The following PTK2B variants were observed in gnomAD, a reference collection of about 807,000 sequenced individuals.
PTK2B encodes protein-tyrosine kinase 2-beta.
PTK2B carries 71 observed loss-of-function variants against 142.9 expected under a neutral mutation model. The observed-to-expected ratio is 0.50, with a 90% CI of 0.41 to 0.61. PTK2B has a LOEUF of 0.61. Among genes scored for constraint, PTK2B ranks in the 20% least tolerant of loss-of-function variants. The pLI is 0.00. For synonymous variants in PTK2B, 519 were observed against 503.4 expected (o/e 1.03, Z -0.42); for missense variants, 1,105 against 1,320.4 (o/e 0.84, Z 2.53).
At chr8:27,359,934 C>T (rs527338875) in intron 1 of PTK2B, among the ~76,000 whole-genome samples, 5 of 152,290 alleles carry the variant, frequency 3.3e-5, no homozygotes, top group Admixed American at 1.3e-4. Flanking sequence ...GGCCCCAGCT[C>T]CTGGGCCAAC....
At chr8:27,434,243 A>G (rs903293720) in intron 12 of PTK2B, 111 bp downstream of exon 12, 36 of 1,361,804 alleles carry the variant, frequency 2.6e-5, no homozygotes, top group Non-Finnish European at 3.6e-5. Flanking sequence ...TTTCAGGCCC[A>G]GGAGAACCCT....
chr8:27,401,934 T>C (rs926929069), intron 2 of PTK2B, among the ~76,000 whole-genome samples: 5 of 152,194 alleles, frequency 3.3e-5, no homozygotes, highest in African/African-American at 1.2e-4. Context: ...ATGGTAGTGA[T>C]GATGATGGCA....
chr8:27,388,148 C>T (rs1385712481), intron 1 of PTK2B, among the ~76,000 whole-genome samples: 1 of 152,204 alleles, frequency 6.6e-6, no homozygotes, highest in East Asian at 1.9e-4. Context: ...ATCTGACCTC[C>T]TTGTTAAACT....
At chr8:27,311,205 G>A (rs768474918), upstream of PTK2B, 2 of 1,590,188 alleles carry the variant, frequency 1.3e-6, no homozygotes, top group Non-Finnish European at 1.7e-6. Flanking sequence ...GAGCGGGAAG[G>A]CCCGGGGGAC....
rs1449165317 is a variant in PTK2B at position 27,449,084 on chromosome 8, G to T, written c.2341-1665G>T. Among the ~76,000 whole-genome samples, 6 of 152,158 alleles carry T rather than the reference G, an allele frequency of 3.9e-5. No individual in the cohort carries two copies. In the East Asian group the frequency reaches 1.2e-3, roughly 29 times the overall value. ...GAGGCCAGAGATGCTGCTAAGCATC[G>T]TACAATGCACAGGAAATTGCCCTGG... On this transcript the variant is annotated intron_variant, in intron 24 of 30. Transcript: ENST00000346049.
chr8:27,423,807 T>C (rs1157576302), intron 5 of PTK2B, among the ~76,000 whole-genome samples: 1 of 152,088 alleles, frequency 6.6e-6, no homozygotes, highest in Non-Finnish European at 1.5e-5. Flanking sequence ...CATCTGAGGC[T>C]TTTGGTATTA....
intron 1 of PTK2B, chr8:27,396,443 G>A (rs1243147079): frequency 6.6e-6 from 1 of 152,182 alleles, no homozygotes; most frequent in African/African-American, 2.4e-5. Context: ...GGGGTTTCAG[G>A]ATAAGAGCTA....
At chr8:27,327,901 A>G (rs1400176100) in intron 1 of PTK2B, among the ~76,000 whole-genome samples, 9 of 152,226 alleles carry the variant, frequency 5.9e-5, no homozygotes, top group Admixed American at 5.2e-4. Flanking sequence ...TAAAGGAAAC[A>G]TGGTACATAT....
rs528313097 is a variant in PTK2B at position 27,330,636 on chromosome 8, G to T, written c.-38+4955G>T. 2.0e-5 allele frequency among the ~76,000 whole-genome samples: 3 copies of T among 152,342 alleles called. No individual in the cohort carries two copies. The East Asian group carries it at 5.8e-4, about 29-fold the overall frequency. On this transcript the variant is annotated intron_variant, in intron 1 of 30. Transcript: ENST00000346049. ...CTGCGAGCTGTGCAAGGGGGCGGCA[G>T]AGGGGGAGGGGATAGCTTTTTGAGT...
chr8:27,447,601 G>A (rs547977291), intron 24 of PTK2B, among the ~76,000 whole-genome samples: 1 of 152,334 alleles, frequency 6.6e-6, no homozygotes, highest in East Asian at 1.9e-4. Context: ...GCTCACGCCT[G>A]TAATCCCAGC....
At chr8:27,388,919 G>T (rs988389147) in intron 1 of PTK2B, among the ~76,000 whole-genome samples, 3 of 152,134 alleles carry the variant, frequency 2.0e-5, no homozygotes, top group Non-Finnish European at 4.4e-5. Flanking sequence ...TTAGCAGATT[G>T]CCACCTTCTG....
At chr8:27,316,749 A>G (rs1287223189) in intron 3 of PTK2B, among the ~76,000 whole-genome samples, 1 of 152,232 alleles carries the variant, frequency 6.6e-6, no homozygotes, top group African/African-American at 2.4e-5. Context: ...GATCTGAATA[A>G]TGCAGGGAGA....
chr8:27,400,315 A>T (rs1349906549), intron 2 of PTK2B, among the ~76,000 whole-genome samples: 1 of 152,230 alleles, frequency 6.6e-6, no homozygotes, highest in Non-Finnish European at 1.5e-5. Flanking sequence ...AGGGCCACAG[A>T]GGTGATATTT....
At chr8:27,395,347 A>G (rs1807982279) in intron 1 of PTK2B, among the ~76,000 whole-genome samples, 1 of 152,072 alleles carries the variant, frequency 6.6e-6, no homozygotes, top group Admixed American at 6.5e-5. Context: ...CTCTTTGGGG[A>G]CCACCATCTT....
chr8:27,311,285 C>T, upstream of PTK2B: 3 of 1,449,996 alleles, frequency 2.1e-6, no homozygotes, highest in Non-Finnish European at 2.7e-6. Flanking sequence ...CGGCCCCTCC[C>T]ACCCGCCCGG....
intron 2 of PTK2B, among the ~76,000 whole-genome samples, chr8:27,405,072 G>T (rs1490107445): frequency 9.0e-5 from 6 of 66,998 alleles, no homozygotes; most frequent in Admixed American, 6.1e-4. Flanking sequence ...CTCTCTCTTA[G>T]CCATGTGAGG....
chr8:27,334,577 C>T (rs1481841127), intron 1 of PTK2B, among the ~76,000 whole-genome samples: 7 of 152,202 alleles, frequency 4.6e-5, no homozygotes, highest in East Asian at 1.9e-4. Context: ...ATGCTACATT[C>T]CTCCACAGCA....
chr8:27,424,186 A>G (rs963550988), intron 5 of PTK2B, among the ~76,000 whole-genome samples: 3 of 152,168 alleles, frequency 2.0e-5, no homozygotes, highest in Admixed American at 6.5e-5. Flanking sequence ...ACTTTGAGAC[A>G]CCTATCACTT....
At chr8:27,401,725 A>T (rs1214278636) in intron 2 of PTK2B, among the ~76,000 whole-genome samples, 2 of 152,236 alleles carry the variant, frequency 1.3e-5, no homozygotes, top group African/African-American at 4.8e-5. Context: ...TATGAGTGAC[A>T]TGAGATTGTG....
Sources: allele counts gnomAD v4.1 joint callset (sites outside exome capture counted in the v4.1 genomes callset), GRCh38; gene constraint gnomAD v4.1.1; transcripts MANE v1.5; gene names NCBI Gene and HGNC (gene_info 2026-07-23, HGNC 2026-07-21).